The following BCOR variants were observed in gnomAD, a reference collection of about 807,000 sequenced individuals.
BCOR encodes the protein BCL-6 corepressor.
A neutral mutation model predicts 86.7 loss-of-function variants in BCOR; 10 were observed. That is an observed-to-expected ratio of 0.12 (90% CI 0.07 to 0.20). The LOEUF (loss-of-function observed/expected upper bound fraction) is 0.20. Among genes scored for constraint, BCOR ranks in the 10% least tolerant of loss-of-function variants. The probability of loss-of-function intolerance (pLI) is 1.00; values close to 1 mark genes in which losing one functional copy is unlikely to be tolerated. For synonymous variants in BCOR, 611 were observed against 609.0 expected, an observed-to-expected ratio of 1.00 and a Z score of -0.05; for missense variants, 1,259 against 1,452.1, an observed-to-expected ratio of 0.87 and a Z score of 2.16.
At chrX:40,129,831 C>T (rs924370097) in intron 1 of BCOR, among the ~76,000 whole-genome samples, 16 of 110,296 alleles carry the variant, frequency 1.5e-4, no homozygotes, top group Non-Finnish European at 2.5e-4. Flanking sequence ...GCTTGAGGTC[C>T]GGAGTTCGAG....
At chrX:40,062,504 C>A in intron 9 of BCOR, 111 bp from the exon 10 acceptor site, 1 of 1,025,897 alleles carries the variant, frequency 9.7e-7, no homozygotes, top group Non-Finnish European at 1.3e-6. Context: ...GCACTTTATT[C>A]CTTATCTTTT....
chrX:40,107,328 A>C (rs766715378), intron 1 of BCOR, among the ~76,000 whole-genome samples: 170 of 111,310 alleles, frequency 1.5e-3, no homozygotes, highest in Middle Eastern at 4.7e-3. Flanking sequence ...GCGACCCAGC[A>C]GAGTGGGGGA....
intron 1 of BCOR, among the ~76,000 whole-genome samples, chrX:40,150,476 G>A (rs1474094529): frequency 2.7e-5 from 3 of 112,460 alleles, no homozygotes; most frequent in Non-Finnish European, 5.6e-5. Flanking sequence ...AACACCTCAG[G>A]AAAACTCCAA....
At chrX:40,157,140 T>A (rs1385242240) in intron 1 of BCOR, among the ~76,000 whole-genome samples, 1 of 113,163 alleles carries the variant, frequency 8.8e-6, no homozygotes, top group East Asian at 2.8e-4. Context: ...GAACTTTTTC[T>A]TGTATCTGAT....
At chrX:40,140,981 C>T (rs886343879) in intron 1 of BCOR, among the ~76,000 whole-genome samples, 4 of 112,846 alleles carry the variant, frequency 3.5e-5, no homozygotes, top group African/African-American at 9.7e-5. Context: ...GGGGGATCCC[C>T]GTCTTGACCC....
chrX:40,058,818 C>T (rs1380811699), intron 10 of BCOR, among the ~76,000 whole-genome samples: 3 of 111,728 alleles, frequency 2.7e-5, no homozygotes, highest in Non-Finnish European at 5.6e-5. Flanking sequence ...CCACCTGCCC[C>T]GAGCACTGGT....
chrX:40,162,250 A>G (rs983305718), intron 1 of BCOR, among the ~76,000 whole-genome samples: 1 of 112,001 alleles, frequency 8.9e-6, no homozygotes, highest in Non-Finnish European at 1.9e-5. Context: ...CAGAGCTGCC[A>G]GTAGCCTATT....
At chrX:40,062,520 G>T in intron 9 of BCOR, 127 bp from the exon 10 acceptor site, 1 of 954,612 alleles carries the variant, frequency 1.0e-6, no homozygotes, top group East Asian at 3.4e-5. Context: ...CTTTTTTTGG[G>T]GGTGGGGGGT....
At position 40,052,859 on chromosome X, in the gene BCOR, C is replaced by T. The variant is rs187758330; in HGVS notation, c.4977-459G>A. On this transcript the variant is annotated intron_variant, in intron 14 of 14. Coordinates refer to ENST00000378444, the MANE Select transcript of BCOR (RefSeq NM_001123385.2). ...GATTACGGATGTGAGCCACCGTGCCCGGCCATCGCCATTCCTTTCTAAGGT... is the reference window on the plus strand; with the variant it reads ...GATTACGGATGTGAGCCACCGTGCCTGGCCATCGCCATTCCTTTCTAAGGT... Among the ~76,000 whole-genome samples, 354 of 111,758 alleles carry T rather than the reference C, an allele frequency of 3.2e-3. 1 individual carries two copies. The highest frequency in any genetic ancestry group is 0.023 in the Middle Eastern group (5 of 216).
At chrX:40,170,355 G>T (rs780720251) in intron 1 of BCOR, among the ~76,000 whole-genome samples, 1,043 of 101,414 alleles carry the variant, frequency 0.01, 12 homozygotes, top group African/African-American at 0.035. Flanking sequence ...TTTGGTTTTG[G>T]TTTTTTTTTT....
At chrX:40,142,923 G>T (rs142926740) in intron 1 of BCOR, among the ~76,000 whole-genome samples, 1 of 111,589 alleles carries the variant, frequency 9.0e-6, no homozygotes, top group African/African-American at 3.3e-5. Flanking sequence ...CTCAGCCTAC[G>T]TATATTTAGT....
At chrX:40,067,272 G>A (rs1054800516) in intron 6 of BCOR, among the ~76,000 whole-genome samples, 11 of 111,745 alleles carry the variant, frequency 9.8e-5, no homozygotes, top group Non-Finnish European at 1.7e-4. Flanking sequence ...TAGTCTCTCT[G>A]CTAGGGAGCA....
At chrX:40,081,124 C>G (rs952483374) in intron 1 of BCOR, among the ~76,000 whole-genome samples, 1 of 111,803 alleles carries the variant, frequency 8.9e-6, no homozygotes, top group Non-Finnish European at 1.9e-5. Flanking sequence ...AGACTTTTAA[C>G]TCTTCGGGTT....
At chrX:40,101,435 C>T (rs1306495787), upstream of BCOR, among the ~76,000 whole-genome samples, 1 of 113,116 alleles carries the variant, frequency 8.8e-6, no homozygotes, top group Non-Finnish European at 1.9e-5. Context: ...GAAATAGGTG[C>T]CGAAATGAGA....
chrX:40,070,871 A>G, intron 6 of BCOR, 102 bp downstream of exon 6: 4 of 811,166 alleles, frequency 4.9e-6, no homozygotes, highest in Non-Finnish European at 7.5e-6. Flanking sequence ...TCATAAGGAC[A>G]ATCGGCCCTT....
chrX:40,057,421 A>G, intron 10 of BCOR, 100 bp from the exon 11 acceptor site: 2 of 866,774 alleles, frequency 2.3e-6, no homozygotes, highest in Non-Finnish European at 3.3e-6. Flanking sequence ...CTCAGGCCTG[A>G]GAACCTGAGA....
intron 1 of BCOR, among the ~76,000 whole-genome samples, chrX:40,175,771 C>G (rs1358634745): frequency 8.8e-6 from 1 of 113,064 alleles, no homozygotes; most frequent in East Asian, 2.8e-4. Context: ...GCACCACTCC[C>G]CGCTACGAGA....
At chrX:40,117,665 T>C (rs1318738764) in intron 1 of BCOR, among the ~76,000 whole-genome samples, 1 of 111,392 alleles carries the variant, frequency 9.0e-6, no homozygotes, top group East Asian at 2.8e-4. Context: ...CTAGGCTCTT[T>C]GTAAAGTGAA....
chrX:40,142,885 A>G (rs1474523789), intron 1 of BCOR, among the ~76,000 whole-genome samples: 2 of 111,640 alleles, frequency 1.8e-5, no homozygotes, highest in South Asian at 3.8e-4. Flanking sequence ...CTTCCTAGGT[A>G]ATGACTGCTT....
Sources: gnomAD v4.1 joint callset for allele counts (sites outside exome capture counted in the v4.1 genomes callset) on GRCh38, gnomAD v4.1.1 for gene constraint, MANE v1.5 for transcripts, NCBI Gene and HGNC (gene_info 2026-07-23, HGNC 2026-07-21) for gene names.